Variants in VPS13B observed in about 807,000 individuals in gnomAD.
VPS13B encodes vacuolar protein sorting 13 homolog B.
Under a neutral mutation model 426.4 loss-of-function variants are expected in VPS13B, and 285 were observed. The ratio of observed to expected loss-of-function variants is 0.67; its 90% CI spans 0.61 to 0.74. The LOEUF is 0.74. Among genes scored for constraint, VPS13B ranks in the 30% least tolerant of loss-of-function variants. The pLI, the probability that VPS13B is intolerant of heterozygous loss-of-function variation, is 0.00. For missense variants in VPS13B, 4,537 were observed against 4,782.6 expected (o/e 0.95, Z 1.51); for synonymous variants, 1,676 against 1,676.4 (o/e 1.00, Z 0.01).
intron 35 of VPS13B, among the ~76,000 whole-genome samples, chr8:99,678,230 T>TA (rs1468796399): frequency 1.3e-5 from 2 of 152,218 alleles, no homozygotes; most frequent in Non-Finnish European, 2.9e-5. Context: ...CACAATTTAC[T>TA]ACCATCTTCA....
intron 40 of VPS13B, among the ~76,000 whole-genome samples, chr8:99,769,187 AC>A (rs758857425): frequency 6.6e-6 from 1 of 152,170 alleles, no homozygotes; most frequent in Non-Finnish European, 1.5e-5. Flanking sequence ...TTTTCACCTT[AC>A]CTAATATTTC....
At chr8:99,151,904 C>T (rs537942341) in intron 14 of VPS13B, among the ~76,000 whole-genome samples, 1 of 152,210 alleles carries the variant, frequency 6.6e-6, no homozygotes, top group East Asian at 1.9e-4. Context: ...TCTTTCATTT[C>T]TGACATTAGG....
rs76535266 is a variant in VPS13B at position 99,459,673 on chromosome 8, T to C, written c.3446-7741T>C. On this transcript the variant is annotated intron_variant, in intron 23 of 61. Coordinates refer to ENST00000357162, the MANE Select transcript of VPS13B (RefSeq NM_152564.5). Reference sequence around the variant, plus strand: ...ATTTTATCTCAAACATATCTAAACATAGAAAAGGCACAATAGAAGTATGGT... The same window carrying C: ...ATTTTATCTCAAACATATCTAAACACAGAAAAGGCACAATAGAAGTATGGT... Among the ~76,000 whole-genome samples the C allele has an allele frequency of 7.5e-3, 1,140 of 152,280 alleles. 8 individuals are homozygous for C. Among genetic ancestry groups the C allele is most frequent in the Middle Eastern group, 0.017 (5 of 294 alleles).
chr8:99,056,691 C>T (rs1378183886), intron 3 of VPS13B, among the ~76,000 whole-genome samples: 5 of 152,204 alleles, frequency 3.3e-5, no homozygotes, highest in South Asian at 4.1e-4. Context: ...TCCTCATCCT[C>T]ATTCCTCCAT....
intron 52 of VPS13B, among the ~76,000 whole-genome samples, chr8:99,833,712 A>G (rs944786658): frequency 3.9e-5 from 6 of 152,204 alleles, no homozygotes; most frequent in Non-Finnish European, 8.8e-5. Flanking sequence ...TTTTTTAAAA[A>G]ACAAAATTTG....
At chr8:99,561,600 T>C (rs1202854425) in intron 31 of VPS13B, among the ~76,000 whole-genome samples, 1 of 152,200 alleles carries the variant, frequency 6.6e-6, no homozygotes, top group Non-Finnish European at 1.5e-5. Flanking sequence ...AGTGTTTTGG[T>C]ATAAGCTAGG....
chr8:99,832,583 G>A lies in VPS13B; in HGVS notation c.9545G>A (p.Arg3182Lys). The change falls in exon 52 of 62, where the codon AGA (arginine) becomes AAA (lysine). Residue 3182 changes from arginine (R) to lysine (K), a missense_variant. Arg to Lys is a conservative substitution (Grantham distance 26). Transcript: ENST00000357162. Reference protein sequence around the residue: ...SQCWSLPAIVRPEFPRQSVAV... With the variant: ...SQCWSLPAIVKPEFPRQSVAV... ...TGCTGGAGCCTGCCAGCTATAGTTA[G>A]ACCAGAGTTTCCCAGACAGAGTGTG... is the stretch of plus-strand genomic sequence containing the variant. The A allele has an allele frequency of 2.5e-6, 4 of 1,613,908 alleles. No individual in the cohort carries two copies. Among genetic ancestry groups the A allele is most frequent in the Non-Finnish European group, 3.4e-6 (4 of 1,180,008 alleles).
chr8:99,302,288 T>G (rs1820410842), intron 19 of VPS13B, among the ~76,000 whole-genome samples: 1 of 152,224 alleles, frequency 6.6e-6, no homozygotes, highest in Non-Finnish European at 1.5e-5. Context: ...TTTCTCAACT[T>G]ATGATGTGTG....
chr8:99,350,704 C>G (rs1009048728), intron 19 of VPS13B, among the ~76,000 whole-genome samples: 2 of 151,890 alleles, frequency 1.3e-5, no homozygotes, highest in African/African-American at 4.8e-5. Flanking sequence ...AAATAAATCA[C>G]TTGGATAGGA....
intron 19 of VPS13B, among the ~76,000 whole-genome samples, chr8:99,290,532 C>T (rs1240679162): frequency 6.6e-6 from 1 of 151,680 alleles, no homozygotes; most frequent in African/African-American, 2.4e-5. Context: ...GAAGGGATAG[C>T]ATTAGGAGAT....
chr8:99,568,733 G>A (rs1460823866), intron 31 of VPS13B, among the ~76,000 whole-genome samples: 2 of 151,974 alleles, frequency 1.3e-5, no homozygotes, highest in African/African-American at 4.8e-5. Flanking sequence ...TAAATGTTTG[G>A]GAATGTTACT....
chr8:99,635,466 T>A (rs1446574515), intron 33 of VPS13B, among the ~76,000 whole-genome samples: 1 of 151,958 alleles, frequency 6.6e-6, no homozygotes, highest in Non-Finnish European at 1.5e-5. Flanking sequence ...TGATAGGAAG[T>A]TAGAAGAAAT....
chr8:99,490,820 C>G (rs1374121201), intron 25 of VPS13B, among the ~76,000 whole-genome samples: 1 of 152,122 alleles, frequency 6.6e-6, no homozygotes, highest in South Asian at 2.1e-4. Context: ...TGCTAGTGGT[C>G]TATCTACTCT....
At chr8:99,464,142 A>G (rs1818981957) in intron 23 of VPS13B, among the ~76,000 whole-genome samples, 2 of 152,194 alleles carry the variant, frequency 1.3e-5, no homozygotes, top group African/African-American at 2.4e-5. Context: ...ATACTGGTTC[A>G]TATTTGAAAT....
intron 19 of VPS13B, among the ~76,000 whole-genome samples, chr8:99,307,616 G>T (rs1476596840): frequency 3.3e-5 from 5 of 151,694 alleles, no homozygotes; most frequent in Non-Finnish European, 4.4e-5. Context: ...TATTTCACTG[G>T]TTATTTTCAT....
At chr8:99,349,958 A>C (rs1170481825) in intron 19 of VPS13B, among the ~76,000 whole-genome samples, 1 of 152,228 alleles carries the variant, frequency 6.6e-6, no homozygotes, top group East Asian at 1.9e-4. Flanking sequence ...TGGGAAGGAC[A>C]AGAAATCACA....
chr8:99,337,175 A>G (rs2133172746), intron 19 of VPS13B, among the ~76,000 whole-genome samples: 1 of 152,220 alleles, frequency 6.6e-6, no homozygotes, highest in Non-Finnish European at 1.5e-5. Flanking sequence ...ATGGAATACT[A>G]TGCAGCCATA....
intron 24 of VPS13B, among the ~76,000 whole-genome samples, chr8:99,478,068 C>A (rs1283159767): frequency 6.7e-6 from 1 of 148,676 alleles, no homozygotes; most frequent in African/African-American, 2.5e-5. Context: ...AGCAACATAA[C>A]AACATGCTGT....
At chr8:99,270,842 C>T (rs1818553023) in intron 17 of VPS13B, among the ~76,000 whole-genome samples, 1 of 152,150 alleles carries the variant, frequency 6.6e-6, no homozygotes, top group African/African-American at 2.4e-5. Context: ...CATCATCTAA[C>T]ATAGTGATTG....
Sources: gnomAD v4.1 joint callset for allele counts (sites outside exome capture counted in the v4.1 genomes callset) on GRCh38, gnomAD v4.1.1 for gene constraint, MANE v1.5 for transcripts, NCBI Gene and HGNC (gene_info 2026-07-23, HGNC 2026-07-21) for gene names.